The following JMJD1C variants were observed in gnomAD, a reference collection of about 807,000 sequenced individuals.
The protein encoded by JMJD1C is jumonji domain containing 1C, also known as jumonji domain-containing protein 1C.
JMJD1C carries 31 observed loss-of-function variants against 245.3 expected under a neutral mutation model. The ratio of observed to expected loss-of-function variants is 0.13; its 90% CI spans 0.09 to 0.17. The LOEUF (loss-of-function observed/expected upper bound fraction) is 0.17, where lower values mean the gene tolerates loss of function less well. JMJD1C is among the 10% of genes least tolerant of loss of function. The probability of loss-of-function intolerance (pLI) is 1.00; values close to 1 mark genes in which losing one functional copy is unlikely to be tolerated. For synonymous variants in JMJD1C, 1,057 were observed against 1,017.4 expected, an observed-to-expected ratio of 1.04 and a Z score of -0.74; for missense variants, 2,691 against 3,000.2, an observed-to-expected ratio of 0.90 and a Z score of 2.41.
chr10:63,246,827 A>G (rs1178087297), intron 3 of JMJD1C, among the ~76,000 whole-genome samples: 2 of 152,132 alleles, frequency 1.3e-5, no homozygotes, highest in South Asian at 4.1e-4. Context: ...TGGAAATTAA[A>G]CAACATGCTC....
intron 2 of JMJD1C, among the ~76,000 whole-genome samples, chr10:63,317,792 C>A (rs1940286854): frequency 6.6e-6 from 1 of 152,156 alleles, no homozygotes; most frequent in Non-Finnish European, 1.5e-5. Context: ...CCCATCTATT[C>A]TATCTGTGCT....
chr10:63,209,129 C>T lies in JMJD1C; in HGVS notation c.2801G>A (p.Arg934Gln), dbSNP rs750206185. 31 of 1,613,706 alleles carry T rather than the reference C, an allele frequency of 1.9e-5. No homozygotes were observed. The East Asian group carries it at 4.0e-4, about 21-fold the overall frequency. The change falls in exon 9 of 26, where the codon CGG (arginine) becomes CAG (glutamine). Residue 934 changes from arginine to glutamine, a missense_variant. By Grantham distance (43) the Arg-to-Gln change is conservative. Coordinates refer to ENST00000399262, the MANE Select transcript of JMJD1C (RefSeq NM_032776.3). ...PVRPSSAEPH[R>Q]PLKITAHSSP... ...GGAATGGGCTGTAATTTTAAGAGGC[C>T]GATGAGGCTCTGCACTGGAAGGTCT...
At chr10:63,278,088 A>C (rs1856995667) in intron 2 of JMJD1C, among the ~76,000 whole-genome samples, 1 of 152,086 alleles carries the variant, frequency 6.6e-6, no homozygotes, top group South Asian at 2.1e-4. Context: ...ACTAAGCTTT[A>C]AGGAACTTGA....
chr10:63,392,416 G>A lies in JMJD1C; in HGVS notation c.169-11934C>T, dbSNP rs536527240. ...TGCACGGCAAAGGAAACAATCAACA[G>A]AATGAAGAGACAACCTGTTGAATGG... On this transcript the variant is annotated intron_variant, in intron 1 of 25. Transcript: ENST00000399262. 9.2e-5 allele frequency among the ~76,000 whole-genome samples: 14 copies of A among 152,202 alleles called. No homozygotes were observed. The South Asian group carries it at 2.9e-3, about 32-fold the overall frequency.
intron 3 of JMJD1C, among the ~76,000 whole-genome samples, chr10:63,240,883 T>C (rs1851395590): frequency 6.6e-6 from 1 of 152,154 alleles, no homozygotes; most frequent in African/African-American, 2.4e-5. Context: ...GGATATCTCC[T>C]AAGGATAAAA....
intron 1 of JMJD1C, chr10:63,521,607 G>T: frequency 7.3e-7 from 1 of 1,375,444 alleles, no homozygotes; most frequent in East Asian, 3.3e-5. Context: ...CCCTGCAGCC[G>T]GCGCGAGGCC....
intron 1 of JMJD1C, among the ~76,000 whole-genome samples, chr10:63,401,873 G>T (rs1179340783): frequency 2.0e-5 from 3 of 152,024 alleles, no homozygotes; most frequent in South Asian, 2.1e-4. Flanking sequence ...AGTAGCTCAC[G>T]CCTGTAATCC....
intron 1 of JMJD1C, among the ~76,000 whole-genome samples, chr10:63,439,342 T>C (rs1320044674): frequency 6.6e-6 from 1 of 152,222 alleles, no homozygotes; most frequent in African/African-American, 2.4e-5. Flanking sequence ...AACAGCCACA[T>C]GAAGAACCTC....
chr10:63,489,924 G>A (rs1411658141), intron 1 of JMJD1C, among the ~76,000 whole-genome samples: 2 of 152,204 alleles, frequency 1.3e-5, no homozygotes, highest in African/African-American at 2.4e-5. Context: ...GCCTGTGAGG[G>A]CGCATTATCT....
chr10:63,434,740 T>C (rs199839091), intron 1 of JMJD1C, among the ~76,000 whole-genome samples: 16 of 152,018 alleles, frequency 1.1e-4, no homozygotes, highest in African/African-American at 2.9e-4. Flanking sequence ...AAAAAAAAGA[T>C]TGACCAAGCC....
intron 1 of JMJD1C, among the ~76,000 whole-genome samples, chr10:63,474,057 GA>G (rs1564957753): frequency 6.7e-6 from 1 of 149,490 alleles, no homozygotes; most frequent in Admixed American, 6.7e-5. Context: ...AAAAAGAAAA[GA>G]AAAAAAGAAA....
At chr10:63,233,753 GC>G (rs1850305325) in intron 3 of JMJD1C, among the ~76,000 whole-genome samples, 1 of 48,184 alleles carries the variant, frequency 2.1e-5, no homozygotes, top group African/African-American at 1.3e-4. Context: ...CCACACACGC[GC>G]GTGCACACAC....
chr10:63,390,540 T>C (rs914153973), intron 1 of JMJD1C, among the ~76,000 whole-genome samples: 2 of 150,886 alleles, frequency 1.3e-5, no homozygotes, highest in Non-Finnish European at 2.9e-5. Context: ...GCCAGCATTA[T>C]ATTACCCTAA....
chr10:63,507,585 T>C lies in JMJD1C; in HGVS notation n.113+14153A>G, dbSNP rs1243797499. Among the ~76,000 whole-genome samples, 10 of 132,564 alleles carry C rather than the reference T, an allele frequency of 7.5e-5. No individual in the cohort carries two copies. In the Admixed American group the frequency reaches 8.5e-4, roughly 11 times the overall value. The allele number at this position is 132,564 out of a possible 152,430, so 87.0% of individuals were successfully genotyped here. On this transcript the variant is annotated intron_variant and non_coding_transcript_variant, in intron 1 of 3. Coordinates refer to the JMJD1C transcript ENST00000633035. ...ACTTGAACCCGGAAGGTGGAGGTTG[T>C]AGTGAGCTGAGATTGCACCACTGCA...
At chr10:63,268,109 T>C (rs1331185290) in intron 2 of JMJD1C, among the ~76,000 whole-genome samples, 3 of 67,658 alleles carry the variant, frequency 4.4e-5, no homozygotes, top group Non-Finnish European at 8.9e-5. Flanking sequence ...CAGTTAACAA[T>C]TCCAAGTTAA....
intron 1 of JMJD1C, among the ~76,000 whole-genome samples, chr10:63,439,466 T>C (rs1202610227): frequency 6.6e-6 from 1 of 152,176 alleles, no homozygotes; most frequent in African/African-American, 2.4e-5. Flanking sequence ...TCTTAAAAAT[T>C]TATTTATTTC....
In JMJD1C at chr10:63,207,984, G is replaced by A; in HGVS notation, c.3685C>T (p.Pro1229Ser). 2 of 1,614,150 alleles carry A rather than the reference G, an allele frequency of 1.2e-6. No homozygotes were observed. Among genetic ancestry groups the A allele is most frequent in the Non-Finnish European group, 1.7e-6 (2 of 1,180,014 alleles). ...GGCATCACCGGAGTTAAAGTTGGAG[G>A]GGAAAGACTACTATAGCTGCCTTCC... ...RKEGSYSSLS[P>S]PTLTPVMPVN... Residue 1229 changes from proline (P) to serine (S), a missense_variant, in exon 10 of 26, where the codon CCT becomes TCT. By Grantham distance (74) the Pro-to-Ser change is moderately conservative. Coordinates refer to ENST00000399262, the MANE Select transcript of JMJD1C (RefSeq NM_032776.3).
chr10:63,290,005 T>C (rs1261248173), intron 2 of JMJD1C, among the ~76,000 whole-genome samples: 1 of 151,908 alleles, frequency 6.6e-6, no homozygotes, highest in Non-Finnish European at 1.5e-5. Flanking sequence ...CAAAATCAAA[T>C]ATTACAATAC....
At chr10:63,288,017 T>C (rs1473288745) in intron 2 of JMJD1C, among the ~76,000 whole-genome samples, 1 of 152,198 alleles carries the variant, frequency 6.6e-6, no homozygotes, top group East Asian at 1.9e-4. Context: ...AGAGCTGCGA[T>C]TACAGGTGTG....
Sources: allele counts gnomAD v4.1 joint callset (sites outside exome capture counted in the v4.1 genomes callset), GRCh38; gene constraint gnomAD v4.1.1; transcripts MANE v1.5; gene names NCBI Gene and HGNC (gene_info 2026-07-23, HGNC 2026-07-21).